CNTN5: variants seen among roughly 807,000 people sequenced by gnomAD.
CNTN5 encodes contactin 5, also known as contactin-5.
Under a neutral mutation model 129.1 loss-of-function variants are expected in CNTN5, and 77 were observed. The observed-to-expected ratio is 0.60, with a 90% confidence interval of 0.50 to 0.72. CNTN5 has a LOEUF of 0.72. Among genes scored for constraint, CNTN5 ranks in the 30% least tolerant of loss-of-function variants. The pLI is 0.00. For missense variants in CNTN5, 1,478 were observed against 1,328.8 expected (o/e 1.11, Z -1.75); for synonymous variants, 509 against 465.6 (o/e 1.09, Z -1.20).
chr11:99,068,366 T>C (rs1865190569), intron 1 of CNTN5, among the ~76,000 whole-genome samples: 1 of 152,148 alleles, frequency 6.6e-6, no homozygotes, highest in South Asian at 2.1e-4. Context: ...GTGAGAAGTG[T>C]CAAGAAAGAC....
intron 1 of CNTN5, among the ~76,000 whole-genome samples, chr11:99,075,837 T>C (rs1400432653): frequency 6.6e-6 from 1 of 152,188 alleles, no homozygotes; most frequent in Non-Finnish European, 1.5e-5. Context: ...GAAGTGTTTG[T>C]TTTTAAGATA....
At chr11:99,069,669 T>C (rs1407726431) in intron 1 of CNTN5, among the ~76,000 whole-genome samples, 2 of 152,198 alleles carry the variant, frequency 1.3e-5, no homozygotes, top group African/African-American at 4.8e-5. Flanking sequence ...TTAATAAATA[T>C]TTGTTTTAGA....
rs550170295 is a variant in CNTN5 at position 99,234,694 on chromosome 11, A to C, written c.-209-90652A>C. The stretch of plus-strand genomic sequence containing the variant: ...GAGTCATTATTTATTATGTATTTCT[A>C]ATGTAGATATTTATTTAAAAATAAA... On this transcript the variant is annotated intron_variant, in intron 1 of 24. Transcript: ENST00000524871. 1.6e-3 allele frequency among the ~76,000 whole-genome samples: 239 copies of C among 152,156 alleles called. 4 individuals are homozygous for C. The South Asian group carries it at 0.046, about 29-fold the overall frequency.
chr11:99,627,194 C>A (rs965534660), intron 3 of CNTN5, among the ~76,000 whole-genome samples: 1 of 152,078 alleles, frequency 6.6e-6, no homozygotes, highest in African/African-American at 2.4e-5. Flanking sequence ...TGTCACTGAC[C>A]ATGTGAATGA....
In CNTN5 at chr11:100,287,948, G is replaced by T. The variant is rs983555709; in HGVS notation, c.2315-9677G>T. The stretch of plus-strand genomic sequence containing the variant: ...CAAATGGAAAACAAAAAAAGGCAGG[G>T]GTTGCAATCCCAGTCTCTGATAAAA... On this transcript the variant is annotated intron_variant, in intron 18 of 24. Coordinates refer to ENST00000524871, the MANE Select transcript of CNTN5 (RefSeq NM_014361.4). Among the ~76,000 whole-genome samples the T allele has an allele frequency of 1.2e-4, 19 of 152,048 alleles. 1 individual carries two copies. The highest frequency in any genetic ancestry group is 1.2e-3 in the Admixed American group (18 of 15,270).
intron 2 of CNTN5, among the ~76,000 whole-genome samples, chr11:99,472,118 G>A (rs1945200004): frequency 1.3e-5 from 2 of 152,042 alleles, no homozygotes; most frequent in South Asian, 2.1e-4. Flanking sequence ...AAGTTTCTCC[G>A]CTACTTCCCG....
In CNTN5 at chr11:99,220,895, C is replaced by T. The variant is rs1295028273; in HGVS notation, c.-209-104451C>T. Among the ~76,000 whole-genome samples, 3 of 151,784 alleles carry T rather than the reference C, an allele frequency of 2.0e-5. No homozygotes were observed. In the East Asian group the frequency reaches 5.8e-4, roughly 29 times the overall value. ...AACAATGATTTAAAAAAAAAATCAG[C>T]TTTTTAGTCTACTAAGTGGGTTGTC... is the stretch of plus-strand genomic sequence containing the variant. On this transcript the variant is annotated intron_variant, in intron 1 of 24. Coordinates refer to ENST00000524871, the MANE Select transcript of CNTN5 (RefSeq NM_014361.4).
intron 3 of CNTN5, among the ~76,000 whole-genome samples, chr11:99,757,162 A>G (rs193270266): frequency 6.6e-6 from 1 of 152,118 alleles, no homozygotes; most frequent in East Asian, 1.9e-4. Context: ...AGCTTCTGGT[A>G]TTGTCAACAA....
chr11:99,351,650 G>GTAT (rs1938307817), intron 2 of CNTN5, among the ~76,000 whole-genome samples: 1 of 152,086 alleles, frequency 6.6e-6, no homozygotes. Flanking sequence ...TACCTATACA[G>GTAT]TATTTCTCTT....
intron 6 of CNTN5, among the ~76,000 whole-genome samples, chr11:99,856,675 AC>A (rs1280708218): frequency 2.0e-5 from 3 of 152,190 alleles, no homozygotes; most frequent in Non-Finnish European, 2.9e-5. Flanking sequence ...AAAAGCTAAA[AC>A]AATGAAAAAT....
At chr11:99,174,928 T>C (rs2135549591) in intron 1 of CNTN5, among the ~76,000 whole-genome samples, 1 of 152,268 alleles carries the variant, frequency 6.6e-6, no homozygotes, top group East Asian at 1.9e-4. Flanking sequence ...TTAGCTCTAA[T>C]GTATTCAAAA....
chr11:99,725,010 A>G (rs1263418681), intron 3 of CNTN5, among the ~76,000 whole-genome samples: 1 of 152,238 alleles, frequency 6.6e-6, no homozygotes, highest in East Asian at 1.9e-4. Flanking sequence ...ATTAAGTAGA[A>G]GACTTGATTG....
chr11:99,585,609 G>A (rs1486275403), intron 3 of CNTN5, among the ~76,000 whole-genome samples: 1 of 151,946 alleles, frequency 6.6e-6, no homozygotes, highest in East Asian at 1.9e-4. Flanking sequence ...TAAAAATACA[G>A]ATAGATATAA....
intron 2 of CNTN5, among the ~76,000 whole-genome samples, chr11:99,457,432 T>G (rs1944536976): frequency 6.6e-6 from 1 of 151,758 alleles, no homozygotes; most frequent in Non-Finnish European, 1.5e-5. Context: ...TCAGAGCAGT[T>G]TTAAAAAAAG....
chr11:99,811,015 T>C (rs769017650), intron 3 of CNTN5, among the ~76,000 whole-genome samples: 1 of 152,146 alleles, frequency 6.6e-6, no homozygotes, highest in African/African-American at 2.4e-5. Context: ...AATTTATTTA[T>C]ATTTTTACAC....
At chr11:99,224,657 AT>A (rs3082693) in intron 1 of CNTN5, among the ~76,000 whole-genome samples, 93 of 108,948 alleles carry the variant, frequency 8.5e-4, no homozygotes, top group African/African-American at 2.7e-3. Flanking sequence ...CCAAGGTTGC[AT>A]TTTTTTTTTT....
intron 9 of CNTN5, among the ~76,000 whole-genome samples, chr11:100,008,056 A>T (rs528353960): frequency 2.6e-5 from 4 of 152,176 alleles, no homozygotes; most frequent in Admixed American, 2.6e-4. Flanking sequence ...AACAGTCAGA[A>T]CACATACATT....
chr11:99,838,955 G>T (rs1194520688), intron 4 of CNTN5, among the ~76,000 whole-genome samples: 1 of 151,940 alleles, frequency 6.6e-6, no homozygotes, highest in East Asian at 1.9e-4. Flanking sequence ...TTGAAGGGAG[G>T]GTTATCAAAA....
chr11:100,062,345 T>C lies in CNTN5; in HGVS notation c.1162+952T>C, dbSNP rs367727295. ...CTTTACAGGAACTCCTAAAGAGTAT[T>C]TTGAAATATTAATAACTGAATTCAA... is the stretch of plus-strand genomic sequence containing the variant. On this transcript the variant is annotated intron_variant, in intron 10 of 24. Transcript: ENST00000524871. Among the ~76,000 whole-genome samples the C allele has an allele frequency of 2.8e-4, 42 of 152,302 alleles. No homozygotes were observed. The East Asian group carries it at 2.9e-3, about 11-fold the overall frequency.
Sources: gnomAD v4.1 joint callset for allele counts (sites outside exome capture counted in the v4.1 genomes callset) on GRCh38, gnomAD v4.1.1 for gene constraint, MANE v1.5 for transcripts, NCBI Gene and HGNC (gene_info 2026-07-23, HGNC 2026-07-21) for gene names.